CLEC16A: variants seen among roughly 807,000 people sequenced by gnomAD.
The protein encoded by CLEC16A is C-type lectin domain containing 16A.
CLEC16A carries 51 observed loss-of-function variants against 109.5 expected under a neutral mutation model. That is an observed-to-expected ratio of 0.47 (90% CI 0.37 to 0.59). The LOEUF (loss-of-function observed/expected upper bound fraction) is 0.59, where lower values mean the gene tolerates loss of function less well. CLEC16A is among the 20% of genes least tolerant of loss of function. The pLI is 0.00. For synonymous variants in CLEC16A, 673 were observed against 564.2 expected (o/e 1.19, Z -2.73); for missense variants, 1,339 against 1,394.0 (o/e 0.96, Z 0.63).
intron 10 of CLEC16A, among the ~76,000 whole-genome samples, chr16:10,987,232 CAG>C (rs2043724248): frequency 6.6e-6 from 1 of 151,974 alleles, no homozygotes; most frequent in Non-Finnish European, 1.5e-5. Context: ...ACAGATAATA[CAG>C]AGAGATCTTC....
intron 3 of CLEC16A, among the ~76,000 whole-genome samples, chr16:10,963,068 A>AC (rs1317991931): frequency 6.7e-6 from 1 of 150,202 alleles, no homozygotes; most frequent in Non-Finnish European, 1.5e-5. Context: ...AACAACAACA[A>AC]AAAAAAAAGT....
intron 16 of CLEC16A, among the ~76,000 whole-genome samples, chr16:11,045,546 G>A (rs1351965967): frequency 1.3e-5 from 2 of 152,058 alleles, no homozygotes; most frequent in East Asian, 1.9e-4. Flanking sequence ...GAATTTGGGT[G>A]GTGGGGGGTG....
chr16:11,073,885 A>C (rs942489032), intron 19 of CLEC16A, among the ~76,000 whole-genome samples: 2 of 152,374 alleles, frequency 1.3e-5, no homozygotes, highest in South Asian at 4.1e-4. Context: ...GACTTTCATT[A>C]ACATAGAAAT....
intron 19 of CLEC16A, among the ~76,000 whole-genome samples, chr16:11,116,386 C>G (rs12917947): frequency 0.12 from 18,859 of 151,016 alleles, 1,171 homozygotes; most frequent in South Asian, 0.14. Context: ...CAGAGCAAGA[C>G]TGTCTAAAAG....
intron 16 of CLEC16A, among the ~76,000 whole-genome samples, chr16:11,045,308 A>G (rs926169263): frequency 6.6e-6 from 1 of 152,160 alleles, no homozygotes; most frequent in African/African-American, 2.4e-5. Flanking sequence ...AGATCGCGCC[A>G]CTGCACTCCA....
chr16:11,078,284 G>T (rs1231192048), intron 19 of CLEC16A, among the ~76,000 whole-genome samples: 2 of 152,122 alleles, frequency 1.3e-5, no homozygotes, highest in Non-Finnish European at 2.9e-5. Flanking sequence ...ACTGGCTCCG[G>T]GGTGGGGCCC....
intron 3 of CLEC16A, among the ~76,000 whole-genome samples, chr16:10,964,685 G>A (rs112972497): frequency 7.6e-4 from 116 of 152,322 alleles, no homozygotes; most frequent in African/African-American, 2.6e-3. Context: ...TGAGATGGGG[G>A]TGGGGCGATC....
At chr16:11,150,973 C>T (rs2054271391) in intron 22 of CLEC16A, among the ~76,000 whole-genome samples, 1 of 152,150 alleles carries the variant, frequency 6.6e-6, no homozygotes, top group Non-Finnish European at 1.5e-5. Flanking sequence ...TTTTAGGAGG[C>T]ACAGACATAT....
chr16:11,106,926 G>T (rs2051259121), intron 19 of CLEC16A, among the ~76,000 whole-genome samples: 2 of 152,126 alleles, frequency 1.3e-5, no homozygotes, highest in South Asian at 4.1e-4. Context: ...TGGGACTGTT[G>T]CCCTGCACAG....
intron 22 of CLEC16A, among the ~76,000 whole-genome samples, chr16:11,158,180 T>C (rs542797432): frequency 2.0e-5 from 3 of 152,134 alleles, no homozygotes; most frequent in African/African-American, 2.4e-5. Flanking sequence ...ACAGGGCCGA[T>C]TGATTTTTTT....
intron 9 of CLEC16A, among the ~76,000 whole-genome samples, chr16:10,979,982 A>T (rs2043229272): frequency 6.6e-6 from 1 of 152,192 alleles, no homozygotes; most frequent in African/African-American, 2.4e-5. Flanking sequence ...GAAAAACTCC[A>T]TGGCGACCCA....
At chr16:10,990,547 G>A (rs1370888267) in intron 10 of CLEC16A, among the ~76,000 whole-genome samples, 1 of 152,242 alleles carries the variant, frequency 6.6e-6, no homozygotes, top group Non-Finnish European at 1.5e-5. Flanking sequence ...CCAGAGAAGG[G>A]GCAGGTGCCT....
intron 19 of CLEC16A, among the ~76,000 whole-genome samples, chr16:11,069,515 G>A (rs534508941): frequency 1.7e-4 from 26 of 151,922 alleles, no homozygotes; most frequent in Admixed American, 1.6e-3. Context: ...GCTCATTGCC[G>A]CCTCCAACTC....
intron 1 of CLEC16A, among the ~76,000 whole-genome samples, chr16:10,950,255 A>C (rs1037421590): frequency 5.8e-4 from 89 of 152,312 alleles, no homozygotes; most frequent in African/African-American, 2.0e-3. Context: ...CATAAGAATC[A>C]TGAAAGCCTG....
intron 17 of CLEC16A, among the ~76,000 whole-genome samples, chr16:11,048,880 C>T (rs1444655136): frequency 1.3e-5 from 2 of 151,824 alleles, no homozygotes; most frequent in African/African-American, 4.8e-5. Flanking sequence ...GTTTGGTTTC[C>T]TGTTTGGAAA....
At chr16:10,966,876 G>A (rs886822780) in intron 3 of CLEC16A, among the ~76,000 whole-genome samples, 6 of 152,052 alleles carry the variant, frequency 3.9e-5, no homozygotes, top group Non-Finnish European at 8.8e-5. Flanking sequence ...CTTAGTTGGG[G>A]ACATAGCCAA....
chr16:11,157,061 T>G, intron 22 of CLEC16A: 1 of 1,303,530 alleles, frequency 7.7e-7, no homozygotes, highest in Non-Finnish European at 1.0e-6. Flanking sequence ...GAAAGACCAT[T>G]TTTTCTTTTC....
chr16:10,985,458 G>T (rs954808690), intron 10 of CLEC16A, among the ~76,000 whole-genome samples: 1 of 151,782 alleles, frequency 6.6e-6, no homozygotes, highest in African/African-American at 2.4e-5. Context: ...GATGAGGCGT[G>T]TTTACCGTGA....
chr16:11,037,360 A>G (rs548230719), intron 13 of CLEC16A, among the ~76,000 whole-genome samples: 2 of 152,344 alleles, frequency 1.3e-5, no homozygotes, highest in African/African-American at 4.8e-5. Flanking sequence ...GGGAAACAAC[A>G]TAACAACTCT....
Sources: gnomAD v4.1 joint callset for allele counts (sites outside exome capture counted in the v4.1 genomes callset) on GRCh38, gnomAD v4.1.1 for gene constraint, MANE v1.5 for transcripts, NCBI Gene and HGNC (gene_info 2026-07-23, HGNC 2026-07-21) for gene names.